DOP1A: variants seen among roughly 807,000 people sequenced by gnomAD.
The protein encoded by DOP1A is DOP1 leucine zipper like protein A.
Under a neutral mutation model 267.6 loss-of-function variants are expected in DOP1A, and 90 were observed. The observed-to-expected ratio is 0.34, with a 90% CI of 0.28 to 0.40. The LOEUF (loss-of-function observed/expected upper bound fraction) is 0.40, where lower values mean the gene tolerates loss of function less well. DOP1A is among the 10% of genes least tolerant of loss of function. The probability of loss-of-function intolerance (pLI) is 1.00; values close to 1 mark genes in which losing one functional copy is unlikely to be tolerated. For synonymous variants in DOP1A, 932 were observed against 999.1 expected, an observed-to-expected ratio of 0.93 and a Z score of 1.27; for missense variants, 2,437 against 2,900.4, an observed-to-expected ratio of 0.84 and a Z score of 3.67.
intron 20 of DOP1A, among the ~76,000 whole-genome samples, chr6:83,136,507 A>T (rs943741426): frequency 6.6e-6 from 1 of 152,108 alleles, no homozygotes; most frequent in African/African-American, 2.4e-5. Context: ...TAATGAAAAG[A>T]TCATTTTACT....
chr6:83,072,872 G>T, intron 1 of DOP1A: 1 of 203,540 alleles, frequency 4.9e-6, no homozygotes, highest in South Asian at 6.9e-5. Flanking sequence ...CTTCTGTTCA[G>T]AATGATGCAG....
At chr6:83,159,645 A>G (rs2128403969) in intron 36 of DOP1A, 151 bp from the exon 37 acceptor site, 4 of 841,850 alleles carry the variant, frequency 4.8e-6, no homozygotes, top group Non-Finnish European at 5.7e-6. Context: ...ATTTGAAAAC[A>G]GTGACATTTC....
chr6:83,124,616 C>T, intron 12 of DOP1A, 89 bp from the exon 13 acceptor site: 1 of 962,248 alleles, frequency 1.0e-6, no homozygotes, highest in African/African-American at 1.6e-5. Context: ...CCAATATTGA[C>T]TTGGACTTCA....
intron 1 of DOP1A, among the ~76,000 whole-genome samples, chr6:83,091,728 C>T (rs960453983): frequency 6.6e-6 from 1 of 152,108 alleles, no homozygotes; most frequent in Non-Finnish European, 1.5e-5. Flanking sequence ...GGTTAATCTT[C>T]CTCATGCACT....
At chr6:83,078,552 T>C (rs1767531105) in intron 1 of DOP1A, among the ~76,000 whole-genome samples, 1 of 152,212 alleles carries the variant, frequency 6.6e-6, no homozygotes, top group Non-Finnish European at 1.5e-5. Flanking sequence ...ATCGCACAAG[T>C]ACAAACTTGT....
Position 83,137,882 on chromosome 6 carries a change from T to G in DOP1A, c.3840T>G (p.Val1280=). ...FSFKEKLSEK[V]SEKETIVKES... is the part of the protein sequence containing the mutation. ...TCAAAGAAAAATTATCAGAAAAAGT[T>G]TCGGAGAAGGAAACAATAGTTAAGG... The change falls in exon 21 of 39, where the codon GTT becomes GTG. Residue 1280 remains valine, a synonymous_variant. Coordinates refer to ENST00000349129, the MANE Select transcript of DOP1A (RefSeq NM_015018.4). 6.2e-7 allele frequency: 1 copy of G among 1,613,182 alleles called. No homozygotes were observed. The highest frequency in any genetic ancestry group is 8.5e-7 in the Non-Finnish European group (1 of 1,179,794).
At chr6:83,090,004 G>A (rs568242395) in intron 1 of DOP1A, among the ~76,000 whole-genome samples, 1 of 152,316 alleles carries the variant, frequency 6.6e-6, no homozygotes, top group East Asian at 1.9e-4. Context: ...ATTCAAGATA[G>A]GTTAGTGAGT....
At chr6:83,139,235 G>T in intron 21 of DOP1A, 73 bp downstream of exon 21, 1 of 1,189,164 alleles carries the variant, frequency 8.4e-7, no homozygotes, top group East Asian at 2.4e-5. Flanking sequence ...CTGGAAAGTT[G>T]GTCACAACTT....
intron 27 of DOP1A, among the ~76,000 whole-genome samples, chr6:83,150,872 CAA>C (rs1193018949): frequency 6.6e-6 from 1 of 152,056 alleles, no homozygotes; most frequent in Non-Finnish European, 1.5e-5. Context: ...TCTACAAATG[CAA>C]AGTTTGTAAA....
chr6:83,166,857 C>T (rs1785815887), intron 38 of DOP1A: 9 of 997,518 alleles, frequency 9.0e-6, no homozygotes, highest in Non-Finnish European at 1.1e-5. Flanking sequence ...AGGCAAACTC[C>T]ATTTGTTAAT....
At chr6:83,136,011 C>T (rs1778814676) in intron 20 of DOP1A, 133 bp downstream of exon 20, 2 of 1,039,066 alleles carry the variant, frequency 1.9e-6, no homozygotes, top group South Asian at 1.6e-5. Flanking sequence ...CCTCCTCATG[C>T]ACTAGCAATG....
chr6:83,140,784 T>C (rs1176748359), intron 23 of DOP1A, among the ~76,000 whole-genome samples: 2 of 152,198 alleles, frequency 1.3e-5, no homozygotes, highest in South Asian at 4.1e-4. Context: ...ATAAATGGAA[T>C]GATAACAATA....
chr6:83,165,752 T>C (rs1785347391), intron 38 of DOP1A: 1 of 239,500 alleles, frequency 4.2e-6, no homozygotes, highest in Non-Finnish European at 8.8e-6. Flanking sequence ...ATTAGTTCAA[T>C]TTTCGAAGCG....
At position 83,138,023 on chromosome 6, in the gene DOP1A, T is replaced by C. The variant is rs766516893; in HGVS notation, c.3981T>C (p.Asp1327=). The C allele has an allele frequency of 5.6e-6, 9 of 1,609,852 alleles. No individual in the cohort carries two copies. Among genetic ancestry groups the C allele is most frequent in the Non-Finnish European group, 7.6e-6 (9 of 1,178,450 alleles). Residue 1327 remains aspartate (D), a synonymous_variant, in exon 21 of 39, where the codon GAT becomes GAC. Coordinates refer to ENST00000349129, the MANE Select transcript of DOP1A (RefSeq NM_015018.4). The stretch of plus-strand genomic sequence containing the variant: ...AACAAACCAGTGTATTCTTCAGTGA[T>C]GGTCTGGATTTAGAGAACTGGTATA... ...KLKQTSVFFS[D]GLDLENWYSC...
chr6:83,092,549 G>C (rs954936606), intron 1 of DOP1A, among the ~76,000 whole-genome samples: 2 of 83,484 alleles, frequency 2.4e-5, no homozygotes, highest in South Asian at 6.1e-4. Context: ...AGGGACAGTA[G>C]TGTCCCTCCC....
chr6:83,165,918 T>G (rs1282201770), intron 38 of DOP1A: 1 of 403,492 alleles, frequency 2.5e-6, no homozygotes, highest in African/African-American at 2.1e-5. Flanking sequence ...TTCAGAAAGC[T>G]GTAGTGGATC....
At chr6:83,125,770 A>G (rs987315081) in intron 15 of DOP1A, 37 bp downstream of exon 15, 1 of 1,523,106 alleles carries the variant, frequency 6.6e-7, no homozygotes, top group Non-Finnish European at 9.0e-7. Context: ...TAGACTGTTC[A>G]TATTTCTTCA....
At chr6:83,079,862 A>G (rs1767778306) in intron 1 of DOP1A, among the ~76,000 whole-genome samples, 1 of 152,000 alleles carries the variant, frequency 6.6e-6, no homozygotes, top group South Asian at 2.1e-4. Context: ...AGCTGGAAAG[A>G]AATACATGGT....
At chr6:83,102,791 CT>C (rs1772823066) in intron 4 of DOP1A, among the ~76,000 whole-genome samples, 2 of 152,314 alleles carry the variant, frequency 1.3e-5, no homozygotes, top group Non-Finnish European at 2.9e-5. Flanking sequence ...TTTAACATGG[CT>C]TTGAAGACTT....
Sources: allele counts gnomAD v4.1 joint callset (sites outside exome capture counted in the v4.1 genomes callset), GRCh38; gene constraint gnomAD v4.1.1; transcripts MANE v1.5; gene names NCBI Gene and HGNC (gene_info 2026-07-23, HGNC 2026-07-21).